TAOK3: variants seen among roughly 807,000 people sequenced by gnomAD.
TAOK3 encodes TAO kinase 3.
TAOK3 carries 40 observed loss-of-function variants against 120.4 expected under a neutral mutation model. The observed-to-expected ratio is 0.33, with a 90% CI of 0.26 to 0.43. TAOK3 has a LOEUF of 0.43. Among genes scored for constraint, TAOK3 ranks in the 20% least tolerant of loss-of-function variants. The pLI is 1.00. For synonymous variants in TAOK3, 355 were observed against 387.5 expected, an observed-to-expected ratio of 0.92 and a Z score of 0.99; for missense variants, 821 against 1,112.1, an observed-to-expected ratio of 0.74 and a Z score of 3.72.
At chr12:118,332,655 C>G (rs2141035150) in intron 1 of TAOK3, among the ~76,000 whole-genome samples, 1 of 152,336 alleles carries the variant, frequency 6.6e-6, no homozygotes, top group South Asian at 2.1e-4. Flanking sequence ...TTCATTAAGT[C>G]AATTAGCCAT....
intron 1 of TAOK3, among the ~76,000 whole-genome samples, chr12:118,353,120 T>C (rs1293921973): frequency 1.3e-5 from 2 of 152,182 alleles, no homozygotes; most frequent in Non-Finnish European, 2.9e-5. Context: ...AGCTAAAAGA[T>C]ATGGTGTTTG....
At chr12:118,332,226 T>G (rs752858902) in intron 1 of TAOK3, among the ~76,000 whole-genome samples, 1 of 152,156 alleles carries the variant, frequency 6.6e-6, no homozygotes, top group Non-Finnish European at 1.5e-5. Flanking sequence ...GAAAGACAGA[T>G]AGTCTTTATG....
chr12:118,245,810 G>A lies in TAOK3; in HGVS notation c.121-845C>T, dbSNP rs867245672. 3.3e-5 allele frequency among the ~76,000 whole-genome samples: 5 copies of A among 152,064 alleles called. No homozygotes were observed. The South Asian group carries it at 1.0e-3, about 31-fold the overall frequency. On this transcript the variant is annotated intron_variant, in intron 3 of 20. Coordinates refer to ENST00000392533, the MANE Select transcript of TAOK3 (RefSeq NM_016281.4). ...TAATATATCAAACCAAACAAAAAAT[G>A]TCATATTCCCAAATGACCCATTCTG...
chr12:118,259,305 G>A (rs567496395), intron 2 of TAOK3, among the ~76,000 whole-genome samples: 7 of 152,216 alleles, frequency 4.6e-5, no homozygotes, highest in Admixed American at 4.6e-4. Context: ...TAGCACTTTG[G>A]AAGGCCGAGG....
intron 1 of TAOK3, among the ~76,000 whole-genome samples, chr12:118,354,635 C>A (rs564283406): frequency 6.6e-6 from 1 of 151,982 alleles, no homozygotes; most frequent in Non-Finnish European, 1.5e-5. Context: ...GGGAGGAACT[C>A]GGTGGGAGGT....
intron 1 of TAOK3, among the ~76,000 whole-genome samples, chr12:118,312,317 C>T (rs1157896400): frequency 1.3e-5 from 2 of 151,642 alleles, no homozygotes; most frequent in Non-Finnish European, 2.9e-5. Context: ...AAATCTAGTC[C>T]CTTAATTTAA....
intron 1 of TAOK3, among the ~76,000 whole-genome samples, chr12:118,370,281 C>T (rs941937576): frequency 2.0e-5 from 3 of 152,192 alleles, no homozygotes; most frequent in Admixed American, 6.5e-5. Context: ...AGTGCTTCTC[C>T]TCTACTTATT....
At chr12:118,274,955 A>C (rs1239633117) in intron 1 of TAOK3, among the ~76,000 whole-genome samples, 2 of 152,072 alleles carry the variant, frequency 1.3e-5, no homozygotes, top group Non-Finnish European at 2.9e-5. Flanking sequence ...TGAGGCCAGC[A>C]ACTTGAAATC....
intron 13 of TAOK3, chr12:118,190,574 T>C (rs879636569): frequency 6.6e-6 from 1 of 152,224 alleles, no homozygotes; most frequent in South Asian, 2.1e-4. Flanking sequence ...GATTTTTTTT[T>C]AGATTTAAAG....
chr12:118,330,194 A>G (rs1436024688), intron 1 of TAOK3, among the ~76,000 whole-genome samples: 1 of 152,236 alleles, frequency 6.6e-6, no homozygotes, highest in African/African-American at 2.4e-5. Context: ...TCACTATAAA[A>G]AGTCAAAGTG....
At chr12:118,343,795 G>A (rs1299842559) in intron 1 of TAOK3, among the ~76,000 whole-genome samples, 3 of 151,954 alleles carry the variant, frequency 2.0e-5, no homozygotes, top group Non-Finnish European at 4.4e-5. Flanking sequence ...GGTGGATCAC[G>A]AGGTCAGGAG....
At chr12:118,265,613 A>T (rs1431382424) in intron 2 of TAOK3, among the ~76,000 whole-genome samples, 1 of 152,192 alleles carries the variant, frequency 6.6e-6, no homozygotes, top group East Asian at 1.9e-4. Flanking sequence ...GGCAAATAAG[A>T]GGAAAAAATA....
chr12:118,268,074 C>T (rs2041538162), intron 1 of TAOK3, among the ~76,000 whole-genome samples: 1 of 152,056 alleles, frequency 6.6e-6, no homozygotes, highest in Non-Finnish European at 1.5e-5. Flanking sequence ...ACTATTTTGC[C>T]ATATCACCAA....
At chr12:118,316,482 T>C (rs2043463159) in intron 1 of TAOK3, among the ~76,000 whole-genome samples, 1 of 152,154 alleles carries the variant, frequency 6.6e-6, no homozygotes, top group African/African-American at 2.4e-5. Flanking sequence ...TGGAGTGCAG[T>C]TGTGCAATCT....
intron 1 of TAOK3, among the ~76,000 whole-genome samples, chr12:118,317,744 A>G (rs181596612): frequency 1.6e-4 from 24 of 152,316 alleles, no homozygotes; most frequent in Admixed American, 3.9e-4. Flanking sequence ...TTTTGTACAG[A>G]AATGGAAAAA....
At chr12:118,312,507 G>A (rs556415406) in intron 1 of TAOK3, among the ~76,000 whole-genome samples, 10 of 152,150 alleles carry the variant, frequency 6.6e-5, no homozygotes, top group Admixed American at 3.3e-4. Context: ...GGAAGTAGAC[G>A]GTAGCAAGGG....
intron 1 of TAOK3, among the ~76,000 whole-genome samples, chr12:118,318,839 A>G (rs1223269565): frequency 1.3e-5 from 2 of 152,246 alleles, no homozygotes; most frequent in African/African-American, 4.8e-5. Context: ...AGTGTCCGTC[A>G]GTGGGTGAAT....
intron 15 of TAOK3, among the ~76,000 whole-genome samples, chr12:118,178,656 C>T (rs2036501799): frequency 6.6e-6 from 1 of 152,156 alleles, no homozygotes; most frequent in Non-Finnish European, 1.5e-5. Flanking sequence ...CAGGGTTTCA[C>T]CATGTTGGCC....
At chr12:118,284,835 A>G (rs2042209417) in intron 1 of TAOK3, among the ~76,000 whole-genome samples, 2 of 152,154 alleles carry the variant, frequency 1.3e-5, no homozygotes, top group African/African-American at 2.4e-5. Flanking sequence ...CATGAAAGCT[A>G]AGTATAATAT....
Sources: allele counts gnomAD v4.1 joint callset (sites outside exome capture counted in the v4.1 genomes callset), GRCh38; gene constraint gnomAD v4.1.1; transcripts MANE v1.5; gene names NCBI Gene and HGNC (gene_info 2026-07-23, HGNC 2026-07-21).